Variants in CBLB observed in about 807,000 individuals in gnomAD.
CBLB encodes the protein Cbl proto-oncogene B, also known as E3 ubiquitin-protein ligase CBL-B.
In CBLB, 31 loss-of-function variants were observed where a neutral mutation model predicts 104.9. The observed-to-expected ratio is 0.30, with a 90% CI of 0.22 to 0.40. The LOEUF (loss-of-function observed/expected upper bound fraction) is 0.40. Ranked by LOEUF, CBLB falls within the 10% of genes least tolerant of loss-of-function variation. The pLI is 1.00. For missense variants in CBLB, 1,062 were observed against 1,214.6 expected, an observed-to-expected ratio of 0.87 and a Z score of 1.87; for synonymous variants, 440 against 422.6, an observed-to-expected ratio of 1.04 and a Z score of -0.51.
chr3:105,665,420 T>TATAC lies in CBLB; in HGVS notation c.2689+4812_2689+4813insGTAT, dbSNP rs2064303128. On this transcript the variant is annotated intron_variant, in intron 18 of 18. Coordinates refer to ENST00000394030, the MANE Select transcript of CBLB (RefSeq NM_170662.5). ...AAATAAATAAATAAATAAATAAATATATATATATATATATATATATATACA... is the reference window on the plus strand; with the variant it reads ...AAATAAATAAATAAATAAATAAATATATACATATATATATATATATATATATACA... 3.5e-5 allele frequency among the ~76,000 whole-genome samples: 3 copies of TATAC among 84,816 alleles called. No homozygotes were observed. The South Asian group carries it at 1.1e-3, about 31-fold the overall frequency. The allele number at this position is 84,816 out of a possible 152,430, so 55.6% of individuals were successfully genotyped here. A position where few individuals can be genotyped will look rare whatever the true frequency, so the allele number is the denominator to read the frequency against.
intron 3 of CBLB, among the ~76,000 whole-genome samples, chr3:105,786,789 T>C (rs2152987552): frequency 6.6e-6 from 1 of 152,284 alleles, no homozygotes; most frequent in Non-Finnish European, 1.5e-5. Flanking sequence ...AACTAAATTA[T>C]TATTAGGAGC....
rs2079713107 is a variant in CBLB, at chr3:105,778,190, A to AGAGGG, written c.420-1649_420-1648insCCCTC. Among the ~76,000 whole-genome samples the AGAGGG allele has an allele frequency of 2.0e-5, 3 of 152,068 alleles. 1 individual carries two copies. The South Asian group carries it at 6.2e-4, about 32-fold the overall frequency. ...AGGCAAGTGTGTTAGGACTCAATAA[A>AGAGGG]AATATAGAGGGAAATTAACACAGAG... On this transcript the variant is annotated intron_variant, in intron 3 of 18. Transcript: ENST00000394030.
At chr3:105,824,322 G>A (rs1470351207) in intron 3 of CBLB, 3 of 152,108 alleles carry the variant, frequency 2.0e-5, no homozygotes, top group Admixed American at 1.3e-4. Flanking sequence ...TGTACTATTG[G>A]TGGAGACTGT....
Position 105,658,879 on chromosome 3 carries a change from T to G in CBLB, c.*91A>C. ...AAGCTGCTACACGAGGAGGAGACACTTCTCTCTTGAATTCCATCTCAGTTC... is the reference window on the plus strand; with the variant it reads ...AAGCTGCTACACGAGGAGGAGACACGTCTCTCTTGAATTCCATCTCAGTTC... On this transcript the variant is annotated 3_prime_UTR_variant, in exon 19 of 19. Coordinates refer to ENST00000394030, the MANE Select transcript of CBLB (RefSeq NM_170662.5). The G allele has an allele frequency of 7.1e-7, 1 of 1,416,872 alleles. No individual in the cohort carries two copies. Among genetic ancestry groups the G allele is most frequent in the Non-Finnish European group, 9.9e-7 (1 of 1,009,758 alleles). The allele number at this position is 1,416,872 out of a possible 1,614,324, so 87.8% of individuals were successfully genotyped here.
At chr3:105,783,120 C>T (rs567129904) in intron 3 of CBLB, among the ~76,000 whole-genome samples, 117 of 152,268 alleles carry the variant, frequency 7.7e-4, no homozygotes, top group Non-Finnish European at 1.5e-3. Flanking sequence ...TTTCTAGTAT[C>T]TTACATATTG....
At chr3:105,668,611 C>G (rs74944597) in intron 18 of CBLB, among the ~76,000 whole-genome samples, 704 of 152,184 alleles carry the variant, frequency 4.6e-3, no homozygotes, top group Non-Finnish European at 7.6e-3. Context: ...ATTATTTTGA[C>G]TGGAATTACA....
At chr3:105,688,678 A>G (rs1276117340) in intron 13 of CBLB, among the ~76,000 whole-genome samples, 2 of 152,096 alleles carry the variant, frequency 1.3e-5, no homozygotes, top group African/African-American at 4.8e-5. Flanking sequence ...TCTAACTCAA[A>G]TAAATAGTCC....
chr3:105,856,348 C>CAAAAAAAAAAAAAA (rs1169479720), intron 2 of CBLB, among the ~76,000 whole-genome samples: 1 of 31,092 alleles, frequency 3.2e-5, no homozygotes. Flanking sequence ...GACTCCATCT[C>CAAAAAAAAAAAAAA]AAAAAAAAAA....
chr3:105,658,794 G>A lies in CBLB; in HGVS notation c.*176C>T, dbSNP rs2063509169. ...TAGCAAAAACAAGGAAGCCACAGCT[G>A]TCGACATCCTGAGCAAGCATCGGTC... On this transcript the variant is annotated 3_prime_UTR_variant, in exon 19 of 19. Coordinates refer to ENST00000394030, the MANE Select transcript of CBLB (RefSeq NM_170662.5). 3.0e-6 allele frequency: 2 copies of A among 663,344 alleles called. No individual in the cohort carries two copies. Among genetic ancestry groups the A allele is most frequent in the South Asian group, 3.9e-5 (2 of 51,298 alleles). The allele number at this position is 663,344 out of a possible 1,614,324, so 41.1% of individuals were successfully genotyped here.
chr3:105,765,471 G>C (rs2078117675), intron 4 of CBLB, among the ~76,000 whole-genome samples: 1 of 152,052 alleles, frequency 6.6e-6, no homozygotes, highest in Non-Finnish European at 1.5e-5. Context: ...CTTGATCTTG[G>C]ACTTCCTAGC....
intron 10 of CBLB, among the ~76,000 whole-genome samples, 172 bp downstream of exon 10, chr3:105,719,875 G>A (rs1310372127): frequency 6.6e-6 from 1 of 152,120 alleles, no homozygotes; most frequent in Non-Finnish European, 1.5e-5. Context: ...ACAAGATGTG[G>A]AGGTAGAAGA....
intron 9 of CBLB, among the ~76,000 whole-genome samples, chr3:105,727,527 G>A (rs971145130): frequency 1.3e-5 from 2 of 151,990 alleles, no homozygotes; most frequent in Admixed American, 1.3e-4. Flanking sequence ...AGTTTCTTTT[G>A]CTGTACAGAA....
intron 3 of CBLB, among the ~76,000 whole-genome samples, chr3:105,806,263 G>GAACT (rs2083479374): frequency 6.6e-6 from 1 of 152,016 alleles, no homozygotes; most frequent in African/African-American, 2.4e-5. Flanking sequence ...AGTATGTGTT[G>GAACT]AATTAATGCA....
chr3:105,771,276 T>A (rs1298183559), intron 4 of CBLB, among the ~76,000 whole-genome samples: 1 of 152,030 alleles, frequency 6.6e-6, no homozygotes, highest in African/African-American at 2.4e-5. Context: ...TAAACAGAAA[T>A]TTTAAAAATA....
At chr3:105,744,700 G>C (rs1290690579) in intron 6 of CBLB, among the ~76,000 whole-genome samples, 1 of 152,076 alleles carries the variant, frequency 6.6e-6, no homozygotes, top group East Asian at 1.9e-4. Context: ...GGGAGACCAA[G>C]GTGGGCAGAT....
intron 10 of CBLB, among the ~76,000 whole-genome samples, chr3:105,706,653 G>C (rs894122429): frequency 6.6e-6 from 1 of 151,906 alleles, no homozygotes; most frequent in African/African-American, 2.4e-5. Context: ...ATTCCTATTA[G>C]GATAAATTAT....
chr3:105,788,587 G>A (rs554820467), intron 3 of CBLB, among the ~76,000 whole-genome samples: 29 of 152,062 alleles, frequency 1.9e-4, no homozygotes, highest in Non-Finnish European at 3.8e-4. Context: ...AGATGACCTC[G>A]GACACTGACT....
At chr3:105,760,792 T>C (rs756814172) in intron 4 of CBLB, among the ~76,000 whole-genome samples, 19 of 152,204 alleles carry the variant, frequency 1.2e-4, no homozygotes, top group Non-Finnish European at 1.8e-4. Context: ...TCTGCATATA[T>C]TGTTGTGCAT....
intron 17 of CBLB, 57 bp downstream of exon 17, chr3:105,678,374 G>A: frequency 6.6e-7 from 1 of 1,516,240 alleles, no homozygotes; most frequent in Middle Eastern, 1.8e-4. Flanking sequence ...TTGATAGTAT[G>A]GTTTTGGAAA....
Sources: allele counts gnomAD v4.1 joint callset (sites outside exome capture counted in the v4.1 genomes callset), GRCh38; gene constraint gnomAD v4.1.1; transcripts MANE v1.5; gene names NCBI Gene and HGNC (gene_info 2026-07-23, HGNC 2026-07-21).